Variants in IPO11 observed in about 807,000 individuals in gnomAD.
The protein encoded by IPO11 is importin-11.
Under a neutral mutation model 143.2 loss-of-function variants are expected in IPO11, and 66 were observed. That is an observed-to-expected ratio of 0.46 (90% confidence interval 0.38 to 0.57). The LOEUF (loss-of-function observed/expected upper bound fraction) is 0.57. IPO11 is among the 20% of genes least tolerant of loss of function. The pLI is 0.00. For synonymous variants in IPO11, 385 were observed against 377.8 expected, an observed-to-expected ratio of 1.02 and a Z score of -0.22; for missense variants, 1,026 against 1,141.0, an observed-to-expected ratio of 0.90 and a Z score of 1.45.
chr5:62,561,121 C>T lies in IPO11; in HGVS notation c.2461-15C>T, dbSNP rs564970800. 6.6e-5 allele frequency: 106 copies of T among 1,597,486 alleles called. 3 individuals carry two copies. The South Asian group carries it at 1.1e-3, about 17-fold the overall frequency. On this transcript the variant is annotated splice_polypyrimidine_tract_variant and intron_variant, in intron 26 of 29. Transcript: ENST00000325324. The stretch of plus-strand genomic sequence containing the variant: ...TATTTTAGGTATTTTGAGATGCCTC[C>T]TCCTCTTGTTTCAGATGGACCAGCT...
chr5:62,451,985 G>GT, intron 5 of IPO11, 52 bp downstream of exon 5: 1 of 1,461,624 alleles, frequency 6.8e-7, no homozygotes, highest in Non-Finnish European at 9.6e-7. Context: ...GCGGCCGGGC[G>GT]TGGTGGCTTA....
intron 27 of IPO11, among the ~76,000 whole-genome samples, chr5:62,586,167 T>A (rs1744764238): frequency 6.6e-6 from 1 of 152,214 alleles, no homozygotes; most frequent in African/African-American, 2.4e-5. Context: ...TGTAATACAT[T>A]ATTATTAGAA....
chr5:62,535,004 A>G (rs985995324), intron 22 of IPO11, among the ~76,000 whole-genome samples: 11 of 140,704 alleles, frequency 7.8e-5, no homozygotes, highest in African/African-American at 2.7e-4. Flanking sequence ...TTTTAAGGCT[A>G]TGTATAATAT....
chr5:62,476,269 C>T (rs777716788), intron 8 of IPO11, among the ~76,000 whole-genome samples: 12 of 149,372 alleles, frequency 8.0e-5, no homozygotes, highest in Non-Finnish European at 1.2e-4. Context: ...TCTGAATGTA[C>T]AAAAAAAAAT....
chr5:62,495,951 A>G (rs1319632030), intron 16 of IPO11, among the ~76,000 whole-genome samples: 2 of 152,186 alleles, frequency 1.3e-5, no homozygotes, highest in Non-Finnish European at 2.9e-5. Flanking sequence ...TGAAATAAAT[A>G]TTCAAATGGG....
chr5:62,502,148 T>C (rs1741367388), intron 16 of IPO11, among the ~76,000 whole-genome samples: 1 of 152,222 alleles, frequency 6.6e-6, no homozygotes, highest in South Asian at 2.1e-4. Flanking sequence ...CCTGTTTCTC[T>C]CATGCTTTGG....
chr5:62,495,956 A>G (rs779736266), intron 16 of IPO11, among the ~76,000 whole-genome samples: 1 of 152,130 alleles, frequency 6.6e-6, no homozygotes, highest in Non-Finnish European at 1.5e-5. Context: ...TAAATATTCA[A>G]ATGGGCCTCT....
chr5:62,620,948 T>C (rs1208118898), intron 29 of IPO11, among the ~76,000 whole-genome samples: 2 of 152,256 alleles, frequency 1.3e-5, no homozygotes, highest in Admixed American at 6.5e-5. Context: ...TCGAGACTTA[T>C]TGAAATGCAT....
At chr5:62,507,628 G>T (rs1450072980) in intron 19 of IPO11, among the ~76,000 whole-genome samples, 1 of 151,854 alleles carries the variant, frequency 6.6e-6, no homozygotes, top group Non-Finnish European at 1.5e-5. Context: ...TGCAATAAAT[G>T]GTTTAAAAAG....
chr5:62,600,366 AT>A (rs1444839809), intron 28 of IPO11, among the ~76,000 whole-genome samples: 5 of 152,108 alleles, frequency 3.3e-5, no homozygotes, highest in African/African-American at 1.2e-4. Flanking sequence ...AAATCTTTTA[AT>A]TTAGGGAGGC....
chr5:62,579,394 T>C, intron 27 of IPO11: 1 of 1,534,132 alleles, frequency 6.5e-7, no homozygotes, highest in South Asian at 1.2e-5. Flanking sequence ...ACCTTCTCTT[T>C]TTATAGCCAA....
chr5:62,429,824 C>T (rs1230201161), intron 1 of IPO11, among the ~76,000 whole-genome samples: 10 of 152,126 alleles, frequency 6.6e-5, no homozygotes, highest in African/African-American at 1.4e-4. Flanking sequence ...GGGGTTTCAC[C>T]GTGTCAGCCA....
chr5:62,417,961 T>A (rs1033181790), intron 1 of IPO11, among the ~76,000 whole-genome samples: 4 of 152,266 alleles, frequency 2.6e-5, no homozygotes, highest in African/African-American at 9.6e-5. Flanking sequence ...ACTATCTAAT[T>A]ATTTTATTTC....
At chr5:62,550,312 T>A (rs1039587175) in intron 24 of IPO11, 55 bp from the exon 25 acceptor site, 2 of 1,341,140 alleles carry the variant, frequency 1.5e-6, no homozygotes, top group Non-Finnish European at 2.1e-6. Context: ...TACATGTGTT[T>A]TTCATAAAGC....
At chr5:62,508,798 C>T (rs957853242) in intron 19 of IPO11, among the ~76,000 whole-genome samples, 1 of 152,096 alleles carries the variant, frequency 6.6e-6, no homozygotes, top group Non-Finnish European at 1.5e-5. Context: ...ATGTTCCCCG[C>T]CCTGTGTCCA....
intron 28 of IPO11, among the ~76,000 whole-genome samples, chr5:62,598,601 G>A (rs1370737266): frequency 7.0e-6 from 1 of 143,522 alleles, no homozygotes; most frequent in Non-Finnish European, 1.5e-5. Context: ...CTGGAGTGCA[G>A]TGGTGTGATC....
At chr5:62,444,294 G>T (rs1006936631) in intron 3 of IPO11, among the ~76,000 whole-genome samples, 36 of 151,958 alleles carry the variant, frequency 2.4e-4, no homozygotes, top group Middle Eastern at 6.8e-3. Flanking sequence ...GGGTTTCACT[G>T]TGTTAGCCAG....
At chr5:62,461,397 T>G (rs1396199993) in intron 5 of IPO11, among the ~76,000 whole-genome samples, 2 of 152,152 alleles carry the variant, frequency 1.3e-5, no homozygotes, top group Non-Finnish European at 2.9e-5. Flanking sequence ...TAAACCAACA[T>G]AGCAAGATTT....
intron 29 of IPO11, among the ~76,000 whole-genome samples, chr5:62,625,967 C>T (rs1746552365): frequency 6.6e-6 from 1 of 152,174 alleles, no homozygotes; most frequent in Non-Finnish European, 1.5e-5. Flanking sequence ...AAAGAGTTCC[C>T]ATGTGCCCCT....
Sources: gnomAD v4.1 joint callset for allele counts (sites outside exome capture counted in the v4.1 genomes callset) on GRCh38, gnomAD v4.1.1 for gene constraint, MANE v1.5 for transcripts, NCBI Gene and HGNC (gene_info 2026-07-23, HGNC 2026-07-21) for gene names.